EBF1: variants seen among roughly 807,000 people sequenced by gnomAD.
The protein encoded by EBF1 is EBF transcription factor 1, also known as transcription factor COE1.
Under a neutral mutation model 68.4 loss-of-function variants are expected in EBF1, and 10 were observed. That is an observed-to-expected ratio of 0.15 (90% CI 0.09 to 0.25). The LOEUF is 0.25. Ranked by LOEUF, EBF1 falls within the 10% of genes least tolerant of loss-of-function variation. EBF1 has a pLI of 1.00. For missense variants in EBF1, 509 were observed against 794.4 expected, an observed-to-expected ratio of 0.64 and a Z score of 4.32; for synonymous variants, 298 against 299.8, an observed-to-expected ratio of 0.99 and a Z score of 0.06.
chr5:158,716,014 G>A (rs143002758), intron 11 of EBF1, among the ~76,000 whole-genome samples: 128 of 152,194 alleles, frequency 8.4e-4, no homozygotes, highest in African/African-American at 2.3e-3. Context: ...CAAGTCTCCC[G>A]TTTGTCAAAA....
chr5:158,752,320 T>C (rs1459152623), intron 10 of EBF1, among the ~76,000 whole-genome samples: 1 of 139,426 alleles, frequency 7.2e-6, no homozygotes, highest in East Asian at 2.0e-4. Flanking sequence ...GGAAAAAGTA[T>C]TTATTCCAAA....
intron 6 of EBF1, among the ~76,000 whole-genome samples, chr5:158,872,416 C>T (rs896622672): frequency 5.3e-5 from 8 of 152,150 alleles, no homozygotes; most frequent in Middle Eastern, 3.4e-3. Context: ...AGGCTGGTCT[C>T]GAACTCCTGA....
In EBF1 at chr5:158,923,287, C is replaced by T. The variant is rs1453975786; in HGVS notation, c.555-83177G>A. ...AAAAGCTTCCTTTTCAAAGTATATCCCCAACCTTACTTTATCCATAAAAAT... is the reference window on the plus strand; with the variant it reads ...AAAAGCTTCCTTTTCAAAGTATATCTCCAACCTTACTTTATCCATAAAAAT... On this transcript the variant is annotated intron_variant, in intron 6 of 15. Coordinates refer to ENST00000313708, the MANE Select transcript of EBF1 (RefSeq NM_024007.5). 1.1e-4 allele frequency among the ~76,000 whole-genome samples: 16 copies of T among 152,194 alleles called. No individual in the cohort carries two copies. In the East Asian group the frequency reaches 1.4e-3, roughly 13 times the overall value.
At chr5:158,945,872 G>A (rs947862827) in intron 6 of EBF1, among the ~76,000 whole-genome samples, 2 of 152,070 alleles carry the variant, frequency 1.3e-5, no homozygotes, top group African/African-American at 4.8e-5. Flanking sequence ...TGGAGGCTTT[G>A]TTCATTCCTT....
chr5:158,852,851 C>T (rs1163175612), intron 6 of EBF1, among the ~76,000 whole-genome samples: 1 of 152,088 alleles, frequency 6.6e-6, no homozygotes, highest in East Asian at 1.9e-4. Flanking sequence ...ACTCGCTTGC[C>T]CTCCCCGCAT....
At position 158,962,470 on chromosome 5, in the gene EBF1, T is replaced by C. The variant is rs146104567; in HGVS notation, c.554+110926A>G. 2.5e-3 allele frequency among the ~76,000 whole-genome samples: 380 copies of C among 152,270 alleles called. 2 individuals are homozygous for C. Among genetic ancestry groups the C allele is most frequent in the African/African-American group, 8.6e-3 (359 of 41,564 alleles). On this transcript the variant is annotated intron_variant, in intron 6 of 15. Transcript: ENST00000313708. ...CTCAATATGATCACAGTTGCCAGTT[T>C]GCAACTTTGACTCTGCACACTCCCT... is the stretch of plus-strand genomic sequence containing the variant.
intron 6 of EBF1, among the ~76,000 whole-genome samples, chr5:159,002,709 C>T (rs1762779585): frequency 6.6e-6 from 1 of 152,090 alleles, no homozygotes; most frequent in Non-Finnish European, 1.5e-5. Flanking sequence ...AAGGATGAAG[C>T]CATATAGGCA....
chr5:158,734,506 T>C (rs1210914656), intron 10 of EBF1, among the ~76,000 whole-genome samples: 2 of 151,856 alleles, frequency 1.3e-5, no homozygotes, highest in Non-Finnish European at 2.9e-5. Flanking sequence ...ACAGAGAGGG[T>C]AACAGGGAGG....
At chr5:158,707,630 G>A in intron 15 of EBF1, 1 of 298,660 alleles carries the variant, frequency 3.3e-6, no homozygotes, top group Non-Finnish European at 6.4e-6. Flanking sequence ...GTCCACAAAA[G>A]ACTGATCTGA....
intron 6 of EBF1, among the ~76,000 whole-genome samples, chr5:158,868,300 T>C (rs1167881054): frequency 2.0e-5 from 3 of 152,148 alleles, no homozygotes; most frequent in African/African-American, 7.2e-5. Flanking sequence ...ACTTATGTGT[T>C]AGAGATGTTA....
chr5:158,891,765 G>C (rs1801227069), intron 6 of EBF1, among the ~76,000 whole-genome samples: 1 of 152,098 alleles, frequency 6.6e-6, no homozygotes, highest in Admixed American at 6.6e-5. Flanking sequence ...GCAAGGTTTT[G>C]AATGTTCAAC....
chr5:159,086,100 A>C (rs1780596695), intron 4 of EBF1, among the ~76,000 whole-genome samples: 1 of 152,192 alleles, frequency 6.6e-6, no homozygotes, highest in African/African-American at 2.4e-5. Flanking sequence ...TTTGACATAC[A>C]TGTACACCTA....
intron 15 of EBF1, among the ~76,000 whole-genome samples, chr5:158,700,525 A>G (rs1756507395): frequency 6.6e-6 from 1 of 151,968 alleles, no homozygotes; most frequent in Non-Finnish European, 1.5e-5. Context: ...AAAAAAAAAA[A>G]AAGCGAACCC....
At chr5:158,757,848 G>C (rs1187982138) in intron 10 of EBF1, among the ~76,000 whole-genome samples, 1 of 152,170 alleles carries the variant, frequency 6.6e-6, no homozygotes, top group Non-Finnish European at 1.5e-5. Context: ...AGCAGTAGCT[G>C]TTTGTTATTT....
intron 6 of EBF1, among the ~76,000 whole-genome samples, chr5:158,866,440 G>C (rs547410764): frequency 2.7e-4 from 41 of 152,110 alleles, no homozygotes; most frequent in African/African-American, 9.9e-4. Flanking sequence ...AGCTCTGATC[G>C]GGTACTGTCC....
At chr5:158,922,272 T>C (rs1021193376) in intron 6 of EBF1, among the ~76,000 whole-genome samples, 2 of 152,202 alleles carry the variant, frequency 1.3e-5, no homozygotes, top group African/African-American at 4.8e-5. Flanking sequence ...CAAAAGCAAC[T>C]TTCTACCCAG....
In EBF1 at chr5:158,780,604, T is replaced by C. The variant is rs185999389; in HGVS notation, c.910-3065A>G. 4.1e-3 allele frequency among the ~76,000 whole-genome samples: 631 copies of C among 152,332 alleles called. 2 individuals are homozygous for C. Among genetic ancestry groups the C allele is most frequent in the African/African-American group, 0.014 (586 of 41,576 alleles). ...GCAAAATAAGAAGGTATTGTAGATATTAATCTTGAAGTTAATATAAATTAT... is the reference window on the plus strand; with the variant it reads ...GCAAAATAAGAAGGTATTGTAGATACTAATCTTGAAGTTAATATAAATTAT... On this transcript the variant is annotated intron_variant, in intron 9 of 15. Transcript: ENST00000313708.
At chr5:158,755,630 C>G (rs1414268350) in intron 10 of EBF1, among the ~76,000 whole-genome samples, 4 of 152,060 alleles carry the variant, frequency 2.6e-5, no homozygotes, top group African/African-American at 9.7e-5. Flanking sequence ...GAAAGAAATA[C>G]AGGGATTGGG....
At chr5:158,887,697 T>C (rs554760223) in intron 6 of EBF1, among the ~76,000 whole-genome samples, 6 of 152,392 alleles carry the variant, frequency 3.9e-5, no homozygotes, top group Non-Finnish European at 7.3e-5. Context: ...TCTCTGTGAT[T>C]GGAAGCGTCT....
Sources: allele counts gnomAD v4.1 joint callset (sites outside exome capture counted in the v4.1 genomes callset), GRCh38; gene constraint gnomAD v4.1.1; transcripts MANE v1.5; gene names NCBI Gene and HGNC (gene_info 2026-07-23, HGNC 2026-07-21).